The following SERGEF variants were observed in gnomAD, a reference collection of about 807,000 sequenced individuals.
The protein encoded by SERGEF is secretion-regulating guanine nucleotide exchange factor.
SERGEF carries 51 observed loss-of-function variants against 50.0 expected under a neutral mutation model. The ratio of observed to expected loss-of-function variants is 1.02; its 90% CI spans 0.81 to 1.29. SERGEF has a LOEUF of 1.29. SERGEF is among the 50% of genes most tolerant of loss of function. The pLI is 0.00. For synonymous variants in SERGEF, 205 were observed against 212.4 expected, an observed-to-expected ratio of 0.97 and a Z score of 0.30; for missense variants, 521 against 557.0, an observed-to-expected ratio of 0.94 and a Z score of 0.65.
At chr11:17,818,946 T>C (rs887251450) in intron 10 of SERGEF, among the ~76,000 whole-genome samples, 1 of 152,212 alleles carries the variant, frequency 6.6e-6, no homozygotes, top group African/African-American at 2.4e-5. Flanking sequence ...CTCCTACTCA[T>C]CTTTGAAAGC....
chr11:17,806,669 C>T (rs1264673542), intron 10 of SERGEF, among the ~76,000 whole-genome samples: 1 of 152,144 alleles, frequency 6.6e-6, no homozygotes, highest in Non-Finnish European at 1.5e-5. Flanking sequence ...AGAAATATCA[C>T]AAACAACTGT....
chr11:18,000,381 C>G, intron 5 of SERGEF, 116 bp downstream of exon 5: 1 of 680,478 alleles, frequency 1.5e-6, no homozygotes. Context: ...CTCAGGAGTT[C>G]AAGGCTACAG....
intron 10 of SERGEF, among the ~76,000 whole-genome samples, chr11:17,876,716 G>C (rs17793144): frequency 6.6e-6 from 1 of 152,212 alleles, no homozygotes; most frequent in Non-Finnish European, 1.5e-5. Context: ...TCTGGATTTT[G>C]TGCTTTCACA....
In SERGEF at chr11:17,884,285, G is replaced by A. The variant is rs1851389950; in HGVS notation, c.1012-6041C>T. Among the ~76,000 whole-genome samples the A allele has an allele frequency of 6.6e-6, 1 of 152,228 alleles. No individual in the cohort carries two copies. The highest frequency in any genetic ancestry group is 6.5e-5 in the Admixed American group (1 of 15,294). On this transcript the variant is annotated intron_variant, in intron 9 of 10. Transcript: ENST00000265965. The surrounding 1 kb of genome is among the most constrained non-coding windows in gnomAD (Gnocchi z 4.6). ...GGTACGGTACTGGGTTATGCTCTGT[G>A]CCGCACTGCGAGCCCTTGGCGGGCA...
chr11:18,001,476 G>C (rs1439843655), intron 4 of SERGEF, among the ~76,000 whole-genome samples: 1 of 152,074 alleles, frequency 6.6e-6, no homozygotes, highest in African/African-American at 2.4e-5. Flanking sequence ...CAATAGAAAG[G>C]TCCACATGGC....
At chr11:17,947,256 GA>G (rs1852680847) in intron 9 of SERGEF, among the ~76,000 whole-genome samples, 1 of 152,174 alleles carries the variant, frequency 6.6e-6, no homozygotes, top group South Asian at 2.1e-4. Context: ...AATGGCAACT[GA>G]AGTTGTCCAG....
intron 9 of SERGEF, among the ~76,000 whole-genome samples, chr11:17,883,765 A>T (rs1174971956): frequency 6.6e-6 from 1 of 152,152 alleles, no homozygotes; most frequent in Non-Finnish European, 1.5e-5. Context: ...GACCCAAACA[A>T]CATCCTGCCT....
At chr11:17,961,238 A>G (rs1852990238) in intron 8 of SERGEF, among the ~76,000 whole-genome samples, 1 of 152,168 alleles carries the variant, frequency 6.6e-6, no homozygotes, top group Non-Finnish European at 1.5e-5. Flanking sequence ...GTTATTAAGC[A>G]CTAGTCACTG....
chr11:17,972,257 G>GAT (rs1565219305), intron 8 of SERGEF, among the ~76,000 whole-genome samples: 7 of 152,242 alleles, frequency 4.6e-5, no homozygotes, highest in Admixed American at 4.6e-4. Flanking sequence ...GTTCTACTAT[G>GAT]AGTAAATGCT....
At chr11:17,953,646 C>T (rs1178045556) in intron 9 of SERGEF, among the ~76,000 whole-genome samples, 6 of 152,220 alleles carry the variant, frequency 3.9e-5, no homozygotes, top group Admixed American at 2.0e-4. Flanking sequence ...TCATTTTTCA[C>T]TTATTCAGTC....
chr11:17,804,333 G>A (rs139224670), intron 10 of SERGEF, among the ~76,000 whole-genome samples: 12 of 152,286 alleles, frequency 7.9e-5, no homozygotes, highest in East Asian at 5.8e-4. Context: ...ATTCTGACTG[G>A]AGCAGGGATG....
At chr11:17,875,202 G>C (rs887968888) in intron 10 of SERGEF, among the ~76,000 whole-genome samples, 1 of 152,206 alleles carries the variant, frequency 6.6e-6, no homozygotes. Flanking sequence ...CAGAATAGAG[G>C]AGCAGTTTTG....
chr11:17,818,020 A>C (rs1369311413), intron 10 of SERGEF, among the ~76,000 whole-genome samples: 1 of 152,122 alleles, frequency 6.6e-6, no homozygotes, highest in Non-Finnish European at 1.5e-5. Flanking sequence ...TGCATATCCC[A>C]TCTTTCCCTA....
intron 9 of SERGEF, chr11:17,918,662 ACTCTCTCT>A (rs143834429): frequency 2.4e-6 from 1 of 413,406 alleles, no homozygotes; most frequent in Non-Finnish European, 4.8e-6. Context: ...ATACACACAC[ACTCTCTCT>A]CTCTCTCTCT....
chr11:17,803,560 C>T (rs144696956), intron 10 of SERGEF, among the ~76,000 whole-genome samples: 1 of 152,326 alleles, frequency 6.6e-6, no homozygotes, highest in African/African-American at 2.4e-5. Context: ...TCGTCTTTTC[C>T]TTGCCTTTTT....
intron 10 of SERGEF, chr11:17,855,668 T>G (rs1449635630): frequency 6.6e-6 from 1 of 152,192 alleles, no homozygotes; most frequent in Admixed American, 6.5e-5. Context: ...GAATTTTCCA[T>G]TGAGTATTTT....
intron 10 of SERGEF, among the ~76,000 whole-genome samples, chr11:17,815,213 G>A (rs1030504127): frequency 1.3e-5 from 2 of 151,610 alleles, no homozygotes; most frequent in African/African-American, 4.8e-5. Context: ...AAAAATTACA[G>A]TCTTTAGGTT....
intron 10 of SERGEF, among the ~76,000 whole-genome samples, chr11:17,852,750 T>G (rs1850736491): frequency 6.6e-6 from 1 of 152,220 alleles, no homozygotes; most frequent in Non-Finnish European, 1.5e-5. Flanking sequence ...AATTTATTCA[T>G]CTGATCCTCA....
chr11:17,809,452 G>C (rs983276601), intron 10 of SERGEF, among the ~76,000 whole-genome samples: 3 of 152,224 alleles, frequency 2.0e-5, no homozygotes, highest in Non-Finnish European at 4.4e-5. Flanking sequence ...CTGTGCCTCA[G>C]AGGCAAAATC....
Sources: allele counts gnomAD v4.1 joint callset (sites outside exome capture counted in the v4.1 genomes callset), GRCh38; gene constraint gnomAD v4.1.1; non-coding constraint Gnocchi (gnomAD v3.1); transcripts MANE v1.5; gene names NCBI Gene and HGNC (gene_info 2026-07-23, HGNC 2026-07-21).